The following KIFC3 variants were observed in gnomAD, a reference collection of about 807,000 sequenced individuals.
KIFC3 encodes kinesin family member C3.
KIFC3 carries 60 observed loss-of-function variants against 101.8 expected under a neutral mutation model. That is an observed-to-expected ratio of 0.59 (90% CI 0.48 to 0.73). The LOEUF is 0.73. KIFC3 is among the 30% of genes least tolerant of loss of function. The pLI, the probability that KIFC3 is intolerant of heterozygous loss-of-function variation, is 0.00. For synonymous variants in KIFC3, 476 were observed against 482.7 expected (o/e 0.99, Z 0.18); for missense variants, 966 against 1,137.1 (o/e 0.85, Z 2.16).
At chr16:57,779,568 A>G (rs1039913786) in intron 3 of KIFC3, 1 of 152,362 alleles carries the variant, frequency 6.6e-6, no homozygotes. Context: ...CGGTAATCCC[A>G]GCACTTTGGG....
At chr16:57,771,809 G>T in intron 4 of KIFC3, 123 bp from the exon 5 acceptor site, 2 of 1,238,406 alleles carry the variant, frequency 1.6e-6, no homozygotes, top group Non-Finnish European at 1.1e-6. Flanking sequence ...AAGGCAGAGG[G>T]AAGGAGAAAA....
At chr16:57,822,894 A>G (rs1314116530) in intron 1 of KIFC3, among the ~76,000 whole-genome samples, 1 of 152,142 alleles carries the variant, frequency 6.6e-6, no homozygotes, top group Non-Finnish European at 1.5e-5. Flanking sequence ...TGTTGTTTCA[A>G]TGTTAATTTC....
chr16:57,795,891 T>TC (rs1555622686), intron 2 of KIFC3, among the ~76,000 whole-genome samples: 1 of 93,640 alleles, frequency 1.1e-5, no homozygotes, highest in Non-Finnish European at 2.7e-5. Flanking sequence ...TTTGTTTTTT[T>TC]TTTTTTTTTT....
At chr16:57,815,855 G>A (rs2055209856) in intron 1 of KIFC3, among the ~76,000 whole-genome samples, 1 of 152,160 alleles carries the variant, frequency 6.6e-6, no homozygotes, top group South Asian at 2.1e-4. Flanking sequence ...CCCACCTCAG[G>A]CACACATGCA....
chr16:57,795,233 A>G, intron 2 of KIFC3, 92 bp from the exon 3 acceptor site: 1 of 1,448,244 alleles, frequency 6.9e-7, no homozygotes, highest in South Asian at 1.3e-5. Flanking sequence ...AGCTGAGCTC[A>G]GCTTTCACAC....
chr16:57,857,573 T>C (rs1269370842), intron 1 of KIFC3, among the ~76,000 whole-genome samples: 2 of 151,740 alleles, frequency 1.3e-5, no homozygotes, highest in South Asian at 2.1e-4. Flanking sequence ...CATGCCCCAG[T>C]GTGTGACGTT....
chr16:57,761,672 C>T (rs548255416), intron 13 of KIFC3, 136 bp from the exon 14 acceptor site: 105 of 877,064 alleles, frequency 1.2e-4, no homozygotes, highest in Non-Finnish European at 1.5e-4. Flanking sequence ...CATCTCTCCT[C>T]CTCCAGCTCC....
intron 1 of KIFC3, among the ~76,000 whole-genome samples, chr16:57,856,768 G>A (rs1346550694): frequency 6.6e-6 from 1 of 152,134 alleles, no homozygotes; most frequent in African/African-American, 2.4e-5. Context: ...ACAACTCTGT[G>A]CACATAAGTT....
At position 57,760,737 on chromosome 16, in the gene KIFC3, T is replaced by G; in HGVS notation, c.2221A>C (p.Met741Leu). The stretch of plus-strand genomic sequence containing the variant: ...CCCAAGGTCCTCACCTGTACCACCA[T>G]GAGGGTCTTGCTGTCACCACTAAGC... Reference protein sequence around the residue: ...DSLSGDSKTLMVVQVSPVEKN... With the variant: ...DSLSGDSKTLLVVQVSPVEKN... The change falls in exon 16 of 20, where the codon ATG becomes CTG. Residue 741 changes from methionine to leucine, a missense_variant. By Grantham distance (15) the Met-to-Leu change is conservative. Transcript: ENST00000445690. 1 of 1,613,616 alleles carries G rather than the reference T, an allele frequency of 6.2e-7. No homozygotes were observed. The highest frequency in any genetic ancestry group is 8.5e-7 in the Non-Finnish European group (1 of 1,179,884).
intron 1 of KIFC3, among the ~76,000 whole-genome samples, chr16:57,820,455 C>T (rs1247383384): frequency 3.3e-5 from 5 of 151,820 alleles, no homozygotes; most frequent in South Asian, 2.1e-4. Flanking sequence ...TTTTATTCTT[C>T]GTAGAGATGA....
intron 1 of KIFC3, among the ~76,000 whole-genome samples, chr16:57,823,177 A>T (rs534655888): frequency 5.7e-4 from 87 of 152,312 alleles, no homozygotes; most frequent in African/African-American, 2.0e-3. Flanking sequence ...TGATAAAACC[A>T]TGGTCTCTAC....
chr16:57,817,348 G>A (rs923815652), intron 1 of KIFC3, among the ~76,000 whole-genome samples: 5 of 150,950 alleles, frequency 3.3e-5, no homozygotes, highest in African/African-American at 1.2e-4. Flanking sequence ...GACAGAGAGA[G>A]ACTCTGTCTC....
At chr16:57,797,587 A>G in intron 2 of KIFC3, 1 of 599,818 alleles carries the variant, frequency 1.7e-6, no homozygotes, top group Non-Finnish European at 2.2e-6. Flanking sequence ...ATGGACCCCA[A>G]GCCCCGCCAG....
chr16:57,827,347 C>T (rs782561202), intron 1 of KIFC3, among the ~76,000 whole-genome samples: 2 of 152,250 alleles, frequency 1.3e-5, no homozygotes, highest in Admixed American at 6.5e-5. Context: ...GCTGCAGAGA[C>T]GTGGTGAGGG....
In KIFC3 at chr16:57,764,192, C is replaced by G. The variant is rs782072559; in HGVS notation, c.1568G>C (p.Cys523Ser). 6.2e-7 allele frequency: 1 copy of G among 1,607,514 alleles called. No homozygotes were observed. Among genetic ancestry groups the G allele is most frequent in the South Asian group, 1.1e-5 (1 of 91,022 alleles). Residue 523 changes from cysteine (C) to serine (S), a missense_variant, in exon 12 of 20, where the codon TGC (cysteine) becomes TCC (serine). Transcript: ENST00000445690. ...VTSCIDGFNV[C>S]IFAYGQTGAG... The stretch of plus-strand genomic sequence containing the variant: ...GCCCGTCTGGCCGTACGCAAAGATG[C>G]AGACATTGAAGCCATCAATGCAAGA...
At chr16:57,798,887 C>T (rs1338645502) in intron 1 of KIFC3, among the ~76,000 whole-genome samples, 1 of 152,148 alleles carries the variant, frequency 6.6e-6, no homozygotes, top group Non-Finnish European at 1.5e-5. Context: ...TGGCAGGCAC[C>T]GTATGGGTGT....
intron 3 of KIFC3, chr16:57,775,134 A>G: frequency 1.4e-6 from 2 of 1,379,386 alleles, no homozygotes; most frequent in Non-Finnish European, 1.9e-6. Flanking sequence ...CACAATGGGA[A>G]CCTGGGGGCT....
rs61591593 is a variant in KIFC3, at chr16:57,768,509, T to TCACACACACACACACACACACACACA, written c.1218+1060_1218+1085dup. ...TGGGGGAAGGGCCTACCATATATTC[T>TCACACACACACACACACACACACACA]CACACACACACACACACACACACAC... On this transcript the variant is annotated intron_variant, in intron 9 of 19. Transcript: ENST00000445690. Among the ~76,000 whole-genome samples, 211 of 139,112 alleles carry TCACACACACACACACACACACACACA rather than the reference T, an allele frequency of 1.5e-3. 1 individual carries two copies. Among genetic ancestry groups the TCACACACACACACACACACACACACA allele is most frequent in the Middle Eastern group, 3.6e-3 (1 of 274 alleles). The allele number at this position is 139,112 out of a possible 152,430, so 91.3% of individuals were successfully genotyped here.
intron 2 of KIFC3, among the ~76,000 whole-genome samples, chr16:57,795,890 T>G (rs113191153): frequency 0.14 from 7,038 of 51,916 alleles, 635 homozygotes; most frequent in African/African-American, 0.27. Flanking sequence ...TTTTGTTTTT[T>G]TTTTTTTTTT....
Sources: allele counts gnomAD v4.1 joint callset (sites outside exome capture counted in the v4.1 genomes callset), GRCh38; gene constraint gnomAD v4.1.1; transcripts MANE v1.5; gene names NCBI Gene and HGNC (gene_info 2026-07-23, HGNC 2026-07-21).